Variants in ZNF618 observed in about 807,000 individuals in gnomAD.
The protein encoded by ZNF618 is neural precursor cell expressed, developmentally down-regulated 10.
A neutral mutation model predicts 103.0 loss-of-function variants in ZNF618; 34 were observed. The ratio of observed to expected loss-of-function variants is 0.33; its 90% CI spans 0.25 to 0.44. ZNF618 has a LOEUF of 0.44. Among genes scored for constraint, ZNF618 ranks in the 20% least tolerant of loss-of-function variants. The pLI is 1.00. For missense variants in ZNF618, 1,059 were observed against 1,295.4 expected (o/e 0.82, Z 2.80); for synonymous variants, 551 against 542.2 (o/e 1.02, Z -0.23).
intron 1 of ZNF618, among the ~76,000 whole-genome samples, chr9:113,917,224 T>A (rs1832195951): frequency 6.7e-6 from 1 of 149,674 alleles, no homozygotes; most frequent in Non-Finnish European, 1.5e-5. Flanking sequence ...CTAGCAAGCC[T>A]TCTCTCTATC....
At chr9:114,038,151 A>G (rs764139945) in intron 13 of ZNF618, among the ~76,000 whole-genome samples, 25 of 152,316 alleles carry the variant, frequency 1.6e-4, no homozygotes, top group Admixed American at 3.3e-4. Context: ...CTGCCTGAAC[A>G]TATCGCTTGG....
Position 113,917,790 on chromosome 9 carries a change from A to G in ZNF618, c.33+41377A>G, listed in dbSNP as rs917288479. On this transcript the variant is annotated intron_variant, in intron 1 of 14. Coordinates refer to ENST00000374126, the MANE Select transcript of ZNF618 (RefSeq NM_001318042.2). ...TTTGATTTCGAAAGATTTCAGACTCATAAAAACCTCTAGAAATACTAAGAG... is the reference window on the plus strand; with the variant it reads ...TTTGATTTCGAAAGATTTCAGACTCGTAAAAACCTCTAGAAATACTAAGAG... 3.3e-5 allele frequency among the ~76,000 whole-genome samples: 5 copies of G among 152,214 alleles called. No individual in the cohort carries two copies. The South Asian group carries it at 6.2e-4, about 19-fold the overall frequency.
At chr9:113,907,232 T>C (rs1001085349) in intron 1 of ZNF618, among the ~76,000 whole-genome samples, 1 of 152,200 alleles carries the variant, frequency 6.6e-6, no homozygotes, top group Non-Finnish European at 1.5e-5. Flanking sequence ...ACCACTTAGG[T>C]TGTGGGGACC....
At chr9:113,903,893 T>TG in intron 1 of ZNF618, among the ~76,000 whole-genome samples, 1 of 152,110 alleles carries the variant, frequency 6.6e-6, no homozygotes, top group South Asian at 2.1e-4. Flanking sequence ...GTTTGATTAA[T>TG]GATGTGTCTG....
intron 2 of ZNF618, among the ~76,000 whole-genome samples, chr9:113,970,340 T>C (rs1310335460): frequency 6.6e-6 from 1 of 152,148 alleles, no homozygotes; most frequent in Non-Finnish European, 1.5e-5. Flanking sequence ...CGGCTTAGTG[T>C]TTCAGGAATA....
intron 2 of ZNF618, among the ~76,000 whole-genome samples, chr9:113,971,551 A>T (rs1837966692): frequency 6.6e-6 from 1 of 152,182 alleles, no homozygotes; most frequent in Admixed American, 6.5e-5. Context: ...TGTTCGAAGT[A>T]CTTCGTGAAT....
chr9:113,884,774 C>CACAGAGAG lies in ZNF618; in HGVS notation c.33+8362_33+8363insCAGAGAGA, dbSNP rs1205428615. Among the ~76,000 whole-genome samples the CACAGAGAG allele has an allele frequency of 9.4e-4, 134 of 142,282 alleles. 1 individual carries two copies. The highest frequency in any genetic ancestry group is 7.0e-3 in the Middle Eastern group (2 of 284). 93.3% of individuals were successfully genotyped at this position (142,282 alleles called of 152,430 possible). ...CCTTCCTTATCGAGACACAAACACA[C>CACAGAGAG]AGAGAGAGAGAGAGAGAGAGAGAGA... is the stretch of plus-strand genomic sequence containing the variant. On this transcript the variant is annotated intron_variant, in intron 1 of 14. Coordinates refer to ENST00000374126, the MANE Select transcript of ZNF618 (RefSeq NM_001318042.2).
chr9:113,968,828 C>G (rs1263241052), intron 1 of ZNF618, among the ~76,000 whole-genome samples: 1 of 152,186 alleles, frequency 6.6e-6, no homozygotes, highest in Non-Finnish European at 1.5e-5. Flanking sequence ...TAGCTGGTTA[C>G]TTACTTTTCA....
At position 114,047,980 on chromosome 9, in the gene ZNF618, A is replaced by G; in HGVS notation, c.1334A>G (p.Asn445Ser). The change falls in exon 14 of 15, where the codon AAC (asparagine) becomes AGC (serine). Residue 445 changes from asparagine to serine, a missense_variant. Transcript: ENST00000374126. ...AAGTGGAAACCTCAGGCCCAGAGGA[A>G]CAGTGCCAATAACAGTAGGTCTCCC... ...EEKWKPQAQR[N>S]SANNTTTSGL... 6.3e-7 allele frequency: 1 copy of G among 1,589,008 alleles called. No homozygotes were observed. The highest frequency in any genetic ancestry group is 8.6e-7 in the Non-Finnish European group (1 of 1,167,674).
At chr9:113,984,900 C>A (rs374210457) in intron 2 of ZNF618, among the ~76,000 whole-genome samples, 136 of 152,362 alleles carry the variant, frequency 8.9e-4, no homozygotes, top group African/African-American at 3.2e-3. Context: ...TACTCCCTCA[C>A]CGCCTGTATC....
In ZNF618 at chr9:114,032,748, G is replaced by C; in HGVS notation, c.1168+20G>C. 6.2e-7 allele frequency: 1 copy of C among 1,611,700 alleles called. No individual in the cohort carries two copies. ...CCAGCGGTGAGTGTGCCCCTTGACA[G>C]CCATCCTGTGCGGTAGCTGCCAGCT... On this transcript the variant is annotated intron_variant, in intron 12 of 14. Coordinates refer to ENST00000374126, the MANE Select transcript of ZNF618 (RefSeq NM_001318042.2).
intron 1 of ZNF618, among the ~76,000 whole-genome samples, chr9:113,895,450 G>A (rs1254776481): frequency 6.6e-6 from 1 of 151,950 alleles, no homozygotes; most frequent in African/African-American, 2.4e-5. Context: ...TGCATCCTGG[G>A]TCCAATTTGC....
chr9:113,977,175 G>A (rs746080938), intron 2 of ZNF618, among the ~76,000 whole-genome samples: 58 of 152,142 alleles, frequency 3.8e-4, no homozygotes, highest in Non-Finnish European at 8.4e-4. Flanking sequence ...GACGGGGACA[G>A]CACCATGGAG....
intron 10 of ZNF618, among the ~76,000 whole-genome samples, chr9:114,024,435 C>G (rs923204987): frequency 3.2e-4 from 48 of 152,324 alleles, no homozygotes; most frequent in African/African-American, 1.1e-3. Flanking sequence ...CCTGGGAATG[C>G]TGTGTTGTTG....
intron 13 of ZNF618, among the ~76,000 whole-genome samples, chr9:114,037,647 T>C (rs755134154): frequency 4.3e-4 from 65 of 152,216 alleles, no homozygotes; most frequent in Non-Finnish European, 8.2e-4. Flanking sequence ...TGTACAAATC[T>C]TTCACATCAT....
Position 114,002,058 on chromosome 9 carries a change from G to A in ZNF618, c.496G>A (p.Val166Met), listed in dbSNP as rs773867867. ...GTATTACAACTGCTTCCAGACCCAC[G>A]TGCGGGCGCACCGAGGTGAGAGGAG... Reference protein sequence around the residue: ...YKYYNCFQTHVRAHRDTEATS... With the variant: ...YKYYNCFQTHMRAHRDTEATS... Residue 166 changes from valine (V) to methionine (M), a missense_variant, in exon 5 of 15, where the codon GTG becomes ATG. By Grantham distance (21) the Val-to-Met change is conservative. Coordinates refer to ENST00000374126, the MANE Select transcript of ZNF618 (RefSeq NM_001318042.2). The A allele has an allele frequency of 5.0e-6, 8 of 1,613,328 alleles. No individual in the cohort carries two copies. Among genetic ancestry groups the A allele is most frequent in the South Asian group, 3.3e-5 (3 of 91,092 alleles).
At chr9:113,932,414 G>T (rs1033243748) in intron 1 of ZNF618, among the ~76,000 whole-genome samples, 8 of 152,148 alleles carry the variant, frequency 5.3e-5, no homozygotes, top group Admixed American at 5.2e-4. Flanking sequence ...GATTTTATAA[G>T]GTTTTGAGCA....
At chr9:114,038,949 T>C (rs1202767094) in intron 13 of ZNF618, among the ~76,000 whole-genome samples, 1 of 152,256 alleles carries the variant, frequency 6.6e-6, no homozygotes, top group Non-Finnish European at 1.5e-5. Flanking sequence ...ATTCACTTAT[T>C]TAATTCTCGG....
At chr9:113,978,095 C>A (rs982654958) in intron 2 of ZNF618, among the ~76,000 whole-genome samples, 4 of 152,164 alleles carry the variant, frequency 2.6e-5, no homozygotes, top group South Asian at 2.1e-4. Flanking sequence ...TTAATCTAAT[C>A]TTTTCTACTT....
Sources: allele counts gnomAD v4.1 joint callset (sites outside exome capture counted in the v4.1 genomes callset), GRCh38; gene constraint gnomAD v4.1.1; transcripts MANE v1.5; gene names NCBI Gene and HGNC (gene_info 2026-07-23, HGNC 2026-07-21).